PRORP: variants seen among roughly 807,000 people sequenced by gnomAD.
PRORP encodes the protein protein only RNase P catalytic subunit.
PRORP carries 51 observed loss-of-function variants against 59.4 expected under a neutral mutation model. That is an observed-to-expected ratio of 0.86 (90% CI 0.69 to 1.08). PRORP has a LOEUF of 1.08. Among genes scored for constraint, PRORP ranks in the 50% least tolerant of loss-of-function variants. The probability of loss-of-function intolerance (pLI) is 0.00; values close to 1 mark genes in which losing one functional copy is unlikely to be tolerated. For synonymous variants in PRORP, 231 were observed against 245.6 expected (o/e 0.94, Z 0.55); for missense variants, 646 against 690.3 (o/e 0.94, Z 0.72).
intron 5 of PRORP, among the ~76,000 whole-genome samples, chr14:35,247,605 C>T (rs1295672282): frequency 6.6e-6 from 1 of 152,262 alleles, no homozygotes; most frequent in African/African-American, 2.4e-5. Context: ...TATTCATATA[C>T]TTTCCCAGAG....
intron 4 of PRORP, among the ~76,000 whole-genome samples, chr14:35,167,173 T>A (rs1364088859): frequency 6.6e-6 from 1 of 152,168 alleles, no homozygotes; most frequent in Non-Finnish European, 1.5e-5. Flanking sequence ...TGCCTAACTC[T>A]CCTGCCTTGA....
rs566499363 is a variant in PRORP, at chr14:35,139,662, G to C, written c.1167+12051G>C. ...ACATTTAGGTTATTTCCAGTTTGGT[G>C]CTGTTATAAATAAAGCTGATTAGAA... On this transcript the variant is annotated intron_variant, in intron 4 of 7. Coordinates refer to ENST00000534898, the MANE Select transcript of PRORP (RefSeq NM_014672.4). Among the ~76,000 whole-genome samples, 141 of 145,934 alleles carry C rather than the reference G, an allele frequency of 9.7e-4. 3 individuals carry two copies. The highest frequency in any genetic ancestry group is 3.3e-3 in the African/African-American group (137 of 41,156).
At chr14:35,209,656 C>T (rs2049387281) in intron 5 of PRORP, among the ~76,000 whole-genome samples, 1 of 152,164 alleles carries the variant, frequency 6.6e-6, no homozygotes, top group Non-Finnish European at 1.5e-5. Context: ...CCTGCCTCAG[C>T]CTCCTGAGTA....
chr14:35,160,033 A>G (rs1453242238), intron 4 of PRORP, among the ~76,000 whole-genome samples: 1 of 152,248 alleles, frequency 6.6e-6, no homozygotes, highest in Non-Finnish European at 1.5e-5. Context: ...AAACTGTGCC[A>G]AAGTTCACAG....
chr14:35,169,403 T>C (rs2048261282), intron 4 of PRORP, among the ~76,000 whole-genome samples: 1 of 152,202 alleles, frequency 6.6e-6, no homozygotes, highest in African/African-American at 2.4e-5. Context: ...ATGGTTAGTC[T>C]ATTCTCACAC....
chr14:35,246,052 A>C (rs186661327), intron 5 of PRORP, among the ~76,000 whole-genome samples: 1 of 152,142 alleles, frequency 6.6e-6, no homozygotes, highest in African/African-American at 2.4e-5. Flanking sequence ...TCCCAGTGTT[A>C]CTCTTGAAGT....
chr14:35,241,260 C>G (rs1043725687), intron 5 of PRORP, among the ~76,000 whole-genome samples: 1 of 152,050 alleles, frequency 6.6e-6, no homozygotes, highest in Non-Finnish European at 1.5e-5. Context: ...TGCTTGTAAT[C>G]CCAGCTACTC....
chr14:35,234,215 G>T (rs2050149491), intron 5 of PRORP, among the ~76,000 whole-genome samples: 1 of 152,154 alleles, frequency 6.6e-6, no homozygotes, highest in Non-Finnish European at 1.5e-5. Context: ...CAGATGGAAA[G>T]GTTTAGAGAT....
At chr14:35,178,230 G>T (rs1467089893) in intron 4 of PRORP, among the ~76,000 whole-genome samples, 4 of 152,192 alleles carry the variant, frequency 2.6e-5, no homozygotes, top group Non-Finnish European at 5.9e-5. Flanking sequence ...TTGATTTGGG[G>T]TGGAGAGTTC....
rs146303462 is a variant in PRORP at position 35,201,791 on chromosome 14, G to A, written c.1275+21014G>A. 2.7e-3 allele frequency among the ~76,000 whole-genome samples: 412 copies of A among 151,522 alleles called. 1 individual carries two copies. Among genetic ancestry groups the A allele is most frequent in the Admixed American group, 4.9e-3 (74 of 15,192 alleles). On this transcript the variant is annotated intron_variant, in intron 5 of 7. Transcript: ENST00000534898. ...TCATGCCTCAGCCTCCTGAATAGCT[G>A]GGATTGCAGGTGTGCACCACCACAT...
intron 5 of PRORP, among the ~76,000 whole-genome samples, chr14:35,189,098 T>A (rs1285218605): frequency 1.3e-5 from 2 of 152,138 alleles, no homozygotes; most frequent in African/African-American, 2.4e-5. Flanking sequence ...TAAACCAACA[T>A]AATTTAGAAT....
chr14:35,233,955 G>C (rs1187100209), intron 5 of PRORP, among the ~76,000 whole-genome samples: 1 of 152,140 alleles, frequency 6.6e-6, no homozygotes, highest in Admixed American at 6.5e-5. Flanking sequence ...CTTGCTTCGT[G>C]ACTCTGCTCA....
chr14:35,133,691 A>G (rs1410319806), intron 4 of PRORP, among the ~76,000 whole-genome samples: 1 of 152,136 alleles, frequency 6.6e-6, no homozygotes, highest in African/African-American at 2.4e-5. Flanking sequence ...TCTAAGTTGT[A>G]TGTGCTTTAG....
At chr14:35,238,043 C>T (rs1412618092) in intron 5 of PRORP, among the ~76,000 whole-genome samples, 2 of 151,958 alleles carry the variant, frequency 1.3e-5, no homozygotes, top group Non-Finnish European at 2.9e-5. Flanking sequence ...TAAGTTAACA[C>T]ATCTTTTTTT....
intron 5 of PRORP, among the ~76,000 whole-genome samples, chr14:35,258,582 T>C (rs144712553): frequency 6.4e-4 from 97 of 151,980 alleles, no homozygotes; most frequent in Non-Finnish European, 1.3e-3. Flanking sequence ...CTGGGCCAAG[T>C]GTACTCCTTA....
intron 5 of PRORP, among the ~76,000 whole-genome samples, chr14:35,260,076 A>G (rs1043463381): frequency 1.5e-5 from 2 of 132,134 alleles, no homozygotes; most frequent in African/African-American, 5.9e-5. Context: ...CAGTGGCACT[A>G]TCATAGCTCA....
intron 5 of PRORP, among the ~76,000 whole-genome samples, chr14:35,196,999 C>A (rs1023857992): frequency 2.0e-5 from 3 of 152,154 alleles, no homozygotes; most frequent in Non-Finnish European, 2.9e-5. Context: ...TTTCAAATGT[C>A]CCAGAAAGGA....
At chr14:35,153,622 T>C (rs959232118) in intron 4 of PRORP, among the ~76,000 whole-genome samples, 2 of 152,216 alleles carry the variant, frequency 1.3e-5, no homozygotes, top group African/African-American at 4.8e-5. Context: ...TTTAATAAGA[T>C]AGTGTTCAGT....
chr14:35,127,359 A>G, intron 3 of PRORP, 120 bp from the exon 4 acceptor site: 1 of 692,450 alleles, frequency 1.4e-6, no homozygotes, highest in South Asian at 3.2e-5. Context: ...GATTATCACA[A>G]AGGTTTTAAT....
Sources: allele counts gnomAD v4.1 joint callset (sites outside exome capture counted in the v4.1 genomes callset), GRCh38; gene constraint gnomAD v4.1.1; transcripts MANE v1.5; gene names NCBI Gene and HGNC (gene_info 2026-07-23, HGNC 2026-07-21).